CARM1: variants seen among roughly 807,000 people sequenced by gnomAD.
The protein encoded by CARM1 is coactivator associated arginine methyltransferase 1, also known as histone-arginine methyltransferase CARM1.
Under a neutral mutation model 72.7 loss-of-function variants are expected in CARM1, and 14 were observed. That is an observed-to-expected ratio of 0.19 (90% CI 0.13 to 0.30). CARM1 has a LOEUF of 0.30. CARM1 is among the 10% of genes least tolerant of loss of function. The probability of loss-of-function intolerance (pLI) is 1.00; values close to 1 mark genes in which losing one functional copy is unlikely to be tolerated. For missense variants in CARM1, 432 were observed against 833.7 expected (o/e 0.52, Z 5.93); for synonymous variants, 333 against 345.5 (o/e 0.96, Z 0.40).
rs542468896 is a variant in CARM1, at chr19:10,921,808, C to G, written c.*51C>G. On this transcript the variant is annotated 3_prime_UTR_variant, in exon 16 of 16. Transcript: ENST00000327064. ...CCAGGAAACCAAATGATGTCCCTGCCCGCCGCCCCCGCCGGGCGGCTTTCC... is the reference window on the plus strand; with the variant it reads ...CCAGGAAACCAAATGATGTCCCTGCGCGCCGCCCCCGCCGGGCGGCTTTCC... 28 of 1,520,856 alleles carry G rather than the reference C, an allele frequency of 1.8e-5. No homozygotes were observed. Among genetic ancestry groups the G allele is most frequent in the Middle Eastern group, 1.8e-4 (1 of 5,698 alleles). 94.2% of individuals were successfully genotyped at this position (1,520,856 alleles called of 1,614,324 possible).
At position 10,919,654 on chromosome 19, in the gene CARM1, A is replaced by G. The variant is rs1180522980; in HGVS notation, c.1080A>G (p.Leu360=). ...CTGTCAAGTACACGGTGAACTTCTT[A>G]GAAGCCAAAGAAGGAGATTTGCACA... ...AKSVKYTVNF[L]EAKEGDLHRI... is the part of the protein sequence containing the mutation. The change falls in exon 9 of 16, where the codon TTA becomes TTG. Residue 360 remains leucine, a synonymous_variant. Transcript: ENST00000327064. The G allele has an allele frequency of 6.2e-7, 1 of 1,613,920 alleles. No individual in the cohort carries two copies. Among genetic ancestry groups the G allele is most frequent in the East Asian group, 2.2e-5 (1 of 44,888 alleles).
intron 6 of CARM1, among the ~76,000 whole-genome samples, chr19:10,914,283 G>A (rs2074178118): frequency 6.6e-6 from 1 of 152,210 alleles, no homozygotes; most frequent in African/African-American, 2.4e-5. Flanking sequence ...CCCAGACAGG[G>A]TACACAGGAT....
rs201894360 is a variant in CARM1, at chr19:10,912,518, CTTT to C, written c.669+236_669+238del. On this transcript the variant is annotated intron_variant, in intron 5 of 15. Coordinates refer to ENST00000327064, the MANE Select transcript of CARM1 (RefSeq NM_199141.2). This position sits in a 1 kb window ranked among gnomAD's most constrained non-coding sequence, Gnocchi z 4.5. Reference sequence around the variant, plus strand: ...GGGCCACATGTCATTTCCCTGTTTTCTTTTTTTTTTTTTTGCACTGAAACCTTC... The same window carrying C: ...GGGCCACATGTCATTTCCCTGTTTTCTTTTTTTTTTTGCACTGAAACCTTC... Among the ~76,000 whole-genome samples the C allele has an allele frequency of 2.8e-5, 4 of 141,746 alleles. No homozygotes were observed. The highest frequency in any genetic ancestry group is 3.1e-5 in the Non-Finnish European group (2 of 64,412). 93.0% of individuals were successfully genotyped at this position (141,746 alleles called of 152,430 possible).
chr19:10,884,046 G>GT (rs1357384932), intron 1 of CARM1, among the ~76,000 whole-genome samples: 2 of 63,070 alleles, frequency 3.2e-5, no homozygotes, highest in Non-Finnish European at 6.6e-5. Context: ...TTTGTTTTTT[G>GT]TTTTTTTAAT....
At chr19:10,899,496 G>T (rs2074048425) in intron 1 of CARM1, among the ~76,000 whole-genome samples, 1 of 152,184 alleles carries the variant, frequency 6.6e-6, no homozygotes, top group Non-Finnish European at 1.5e-5. Flanking sequence ...GCCTCTGTGG[G>T]TGTAGTGAGG....
chr19:10,885,321 G>A (rs1400713530), intron 1 of CARM1, among the ~76,000 whole-genome samples: 2 of 152,104 alleles, frequency 1.3e-5, no homozygotes, highest in Non-Finnish European at 2.9e-5. Context: ...TCTTTAAAGC[G>A]ATTCATTAGC....
intron 1 of CARM1, among the ~76,000 whole-genome samples, chr19:10,873,190 G>A (rs1273396749): frequency 6.6e-6 from 1 of 152,120 alleles, no homozygotes; most frequent in Admixed American, 6.6e-5. Context: ...GCAAGCATTG[G>A]TAGCCAACTT....
intron 4 of CARM1, among the ~76,000 whole-genome samples, chr19:10,911,616 T>A (rs1043413698): frequency 2.0e-5 from 3 of 152,218 alleles, no homozygotes; most frequent in African/African-American, 7.2e-5. Flanking sequence ...GGAATGTCTG[T>A]CCTTGGTCTG....
intron 1 of CARM1, among the ~76,000 whole-genome samples, chr19:10,899,383 C>T (rs533578794): frequency 1.8e-4 from 27 of 152,332 alleles, no homozygotes; most frequent in African/African-American, 4.8e-4. Flanking sequence ...GCTAACAGAT[C>T]GACAGTATCT....
At position 10,912,092 on chromosome 19, in the gene CARM1, G is replaced by A. The variant is rs956551838; in HGVS notation, c.559-92G>A. 1.7e-5 allele frequency: 15 copies of A among 897,604 alleles called. 1 individual carries two copies. Among genetic ancestry groups the A allele is most frequent in the African/African-American group, 9.8e-5 (6 of 61,186 alleles). 55.6% of individuals were successfully genotyped at this position (897,604 alleles called of 1,614,324 possible). ...GCAAACATTGAGAGTGAAGACAGACGCCTCATGATGTGCACATCCCTTATG... is the reference window on the plus strand; with the variant it reads ...GCAAACATTGAGAGTGAAGACAGACACCTCATGATGTGCACATCCCTTATG... On this transcript the variant is annotated intron_variant, in intron 4 of 15. Coordinates refer to ENST00000327064, the MANE Select transcript of CARM1 (RefSeq NM_199141.2). The surrounding 1 kb of genome is among the most constrained non-coding windows in gnomAD (Gnocchi z 4.5).
At chr19:10,895,277 G>A (rs1358860355) in intron 1 of CARM1, among the ~76,000 whole-genome samples, 1 of 152,082 alleles carries the variant, frequency 6.6e-6, no homozygotes, top group Non-Finnish European at 1.5e-5. Context: ...GCTGATTTTT[G>A]TATTTTTGGT....
rs2074158576 is a variant in CARM1 at position 10,912,401 on chromosome 19, T to C, written c.669+107T>C. The C allele has an allele frequency of 1.3e-6, 1 of 780,382 alleles. No individual in the cohort carries two copies. Among genetic ancestry groups the C allele is most frequent in the Non-Finnish European group, 2.2e-6 (1 of 450,264 alleles). 48.3% of individuals were successfully genotyped at this position (780,382 alleles called of 1,614,324 possible). On this transcript the variant is annotated intron_variant, in intron 5 of 15. Transcript: ENST00000327064. The surrounding 1 kb of genome is among the most constrained non-coding windows in gnomAD (Gnocchi z 4.5). ...CCCCCAGGGGCCTGGGGACATTACT[T>C]CTGTGCTTTGGTCTCTTTATTGTCC... is the stretch of plus-strand genomic sequence containing the variant.
chr19:10,923,031 A>C lies in CARM1; in HGVS notation c.*1274A>C. On this transcript the variant is annotated 3_prime_UTR_variant, in exon 16 of 16. Coordinates refer to ENST00000327064, the MANE Select transcript of CARM1 (RefSeq NM_199141.2). ...CGCCCGCCTTTATATAAATTCTCTG[A>C]ATCACCTTTGCATAGAAAATAAAAG... is the stretch of plus-strand genomic sequence containing the variant. 1 of 392,296 alleles carries C rather than the reference A, an allele frequency of 2.5e-6. No homozygotes were observed. Among genetic ancestry groups the C allele is most frequent in the Non-Finnish European group, 4.5e-6 (1 of 221,424 alleles). The allele number at this position is 392,296 out of a possible 1,614,324, so 24.3% of individuals were successfully genotyped here. A position where few individuals can be genotyped will look rare whatever the true frequency, so the allele number is the denominator to read the frequency against.
Position 10,912,466 on chromosome 19 carries a change from A to G in CARM1, c.669+172A>G, listed in dbSNP as rs112839407. On this transcript the variant is annotated intron_variant, in intron 5 of 15. Coordinates refer to ENST00000327064, the MANE Select transcript of CARM1 (RefSeq NM_199141.2). This position sits in a 1 kb window ranked among gnomAD's most constrained non-coding sequence, Gnocchi z 4.5. ...TCAGGGAGGGGCTTCAGGGCCTGAGATGATTTTCTCTCATGGCCGGTAGTC... is the reference window on the plus strand; with the variant it reads ...TCAGGGAGGGGCTTCAGGGCCTGAGGTGATTTTCTCTCATGGCCGGTAGTC... Among the ~76,000 whole-genome samples, 2 of 150,990 alleles carry G rather than the reference A, an allele frequency of 1.3e-5. No homozygotes were observed. Among genetic ancestry groups the G allele is most frequent in the African/African-American group, 4.9e-5 (2 of 41,110 alleles).
Position 10,919,838 on chromosome 19 carries a change from G to C in CARM1, c.1107-39G>C, listed in dbSNP as rs375805184. On this transcript the variant is annotated intron_variant, in intron 9 of 15. Coordinates refer to ENST00000327064, the MANE Select transcript of CARM1 (RefSeq NM_199141.2). ...CCCCTCTTCTCTCTCGGCAGCGCCT[G>C]TCTGGCTTCCCCAGCAGCCACTGCC... 4.3e-5 allele frequency: 68 copies of C among 1,564,434 alleles called. No individual in the cohort carries two copies. In the African/African-American group the frequency reaches 4.6e-4, roughly 11 times the overall value.
chr19:10,880,295 G>T lies in CARM1; in HGVS notation c.220+8373G>T, dbSNP rs4804141. On this transcript the variant is annotated intron_variant, in intron 1 of 15. Transcript: ENST00000327064. Reference sequence around the variant, plus strand: ...CACACCTGGCTGCTTGAGGTGGCGAGTTGAGGCTGGGAGGGGTTTCCATCA... The same window carrying T: ...CACACCTGGCTGCTTGAGGTGGCGATTTGAGGCTGGGAGGGGTTTCCATCA... Among the ~76,000 whole-genome samples, 810 of 152,318 alleles carry T rather than the reference G, an allele frequency of 5.3e-3. 24 individuals are homozygous for T. Among genetic ancestry groups the T allele is most frequent in the Admixed American group, 0.035 (540 of 15,294 alleles).
chr19:10,917,274 T>C (rs979158760), intron 8 of CARM1, among the ~76,000 whole-genome samples: 4 of 151,886 alleles, frequency 2.6e-5, no homozygotes, highest in South Asian at 2.1e-4. Context: ...ATCACGAGGT[T>C]AGGAGATTGA....
intron 1 of CARM1, among the ~76,000 whole-genome samples, chr19:10,880,205 G>A (rs538247576): frequency 3.0e-4 from 45 of 152,182 alleles, no homozygotes; most frequent in Non-Finnish European, 3.7e-4. Context: ...GAGGTGGTGA[G>A]TTTGCAAAGA....
chr19:10,919,774 A>G, intron 9 of CARM1, 94 bp downstream of exon 9: 1 of 1,497,892 alleles, frequency 6.7e-7, no homozygotes, highest in African/African-American at 1.4e-5. Context: ...GTCCCAGGGC[A>G]GATGGTGGGC....
Sources: gnomAD v4.1 joint callset for allele counts (sites outside exome capture counted in the v4.1 genomes callset) on GRCh38, gnomAD v4.1.1 for gene constraint, Gnocchi (gnomAD v3.1) non-coding constraint, MANE v1.5 for transcripts, NCBI Gene and HGNC (gene_info 2026-07-23, HGNC 2026-07-21) for gene names.